Variants in SUPV3L1 observed in about 807,000 individuals in gnomAD.
The protein encoded by SUPV3L1 is ATP-dependent RNA helicase SUPV3L1, mitochondrial.
A neutral mutation model predicts 70.0 loss-of-function variants in SUPV3L1; 35 were observed. The observed-to-expected ratio is 0.50, with a 90% CI of 0.38 to 0.66. The LOEUF is 0.66. Among genes scored for constraint, SUPV3L1 ranks in the 30% least tolerant of loss-of-function variants. The probability of loss-of-function intolerance (pLI) is 0.00; values close to 1 mark genes in which losing one functional copy is unlikely to be tolerated. For synonymous variants in SUPV3L1, 364 were observed against 341.9 expected (o/e 1.06, Z -0.71); for missense variants, 777 against 961.5 (o/e 0.81, Z 2.54).
chr10:69,202,931 A>C lies in SUPV3L1; in HGVS notation c.1664A>C (p.Lys555Thr). 1 of 1,614,114 alleles carries C rather than the reference A, an allele frequency of 6.2e-7. No individual in the cohort carries two copies. ...TTTGTCTGCAATATGGATGATTTTA[A>C]ATTTTCTGCAGAGTTGATCCAGCAT... Reference protein sequence around the residue: ...QYFVCNMDDFKFSAELIQHIP... With the variant: ...QYFVCNMDDFTFSAELIQHIP... The change falls in exon 13 of 15, where the codon AAA (lysine) becomes ACA (threonine). Residue 555 changes from lysine (K) to threonine (T), a missense_variant. By Grantham distance (78) the Lys-to-Thr change is moderately conservative. Around this residue, in one of 2 missense-constraint regions of SUPV3L1, gnomAD observed 619 missense variants for 823.3 expected, o/e 0.75. Coordinates refer to ENST00000359655, the MANE Select transcript of SUPV3L1 (RefSeq NM_003171.5).
intron 5 of SUPV3L1, among the ~76,000 whole-genome samples, chr10:69,190,320 C>T (rs1166620999): frequency 3.3e-5 from 5 of 152,030 alleles, no homozygotes; most frequent in African/African-American, 1.2e-4. Context: ...GGACTGAAGC[C>T]CTGTAGTCTG....
Position 69,198,420 on chromosome 10 carries a change from C to G in SUPV3L1, c.1072C>G (p.Leu358Val), listed in dbSNP as rs759448125. ...LTPISVLDHA[L>V]ESLDNLRPGD... ...CCCCATTTCTGTGCTGGACCATGCA[C>G]TAGAATCTTTAGATAACCTTCGGCC... Residue 358 changes from leucine (L) to valine (V), a missense_variant, in exon 9 of 15, where the codon CTA becomes GTA. By Grantham distance (32) the Leu-to-Val change is conservative. Around this residue, in one of 2 missense-constraint regions of SUPV3L1, gnomAD observed 619 missense variants for 823.3 expected, o/e 0.75. Coordinates refer to ENST00000359655, the MANE Select transcript of SUPV3L1 (RefSeq NM_003171.5). The G allele has an allele frequency of 6.2e-7, 1 of 1,613,966 alleles. No individual in the cohort carries two copies. Among genetic ancestry groups the G allele is most frequent in the South Asian group, 1.1e-5 (1 of 91,052 alleles).
Position 69,186,594 on chromosome 10 carries a change from C to T in SUPV3L1, c.457+44C>T, listed in dbSNP as rs143347934. 7.8e-5 allele frequency: 116 copies of T among 1,479,226 alleles called. No homozygotes were observed. The African/African-American group carries it at 1.4e-3, about 18-fold the overall frequency. 91.6% of individuals were successfully genotyped at this position (1,479,226 alleles called of 1,614,324 possible). ...TTTAAAATCCTATTGAACATACCTT[C>T]TATTTCTTCTCATACTTCATGCTCA... On this transcript the variant is annotated intron_variant, in intron 3 of 14. Coordinates refer to ENST00000359655, the MANE Select transcript of SUPV3L1 (RefSeq NM_003171.5).
At position 69,208,712 on chromosome 10, in the gene SUPV3L1, T is replaced by G. The variant is rs1164874517; in HGVS notation, c.2038T>G (p.Ser680Ala). 6.2e-7 allele frequency: 1 copy of G among 1,614,184 alleles called. No homozygotes were observed. The highest frequency in any genetic ancestry group is 1.3e-5 in the African/African-American group (1 of 75,030). Reference protein sequence around the residue: ...VHNITKLIKMSETHKLLNLEG... With the variant: ...VHNITKLIKMAETHKLLNLEG... ...CAATATCACTAAATTGATTAAAATG[T>G]CTGAGACGCATAAGCTGTTGAATTT... Residue 680 changes from serine to alanine, a missense_variant, in exon 15 of 15, where the codon TCT becomes GCT. This residue lies in a region of SUPV3L1 where 619 missense variants were observed against 823.3 expected (regional missense o/e 0.75). Transcript: ENST00000359655.
chr10:69,201,498 T>C (rs1183017725), intron 11 of SUPV3L1, among the ~76,000 whole-genome samples: 1 of 151,922 alleles, frequency 6.6e-6, no homozygotes, highest in African/African-American at 2.4e-5. Context: ...AAATGAGACA[T>C]GGAAAATGGT....
chr10:69,186,210 C>T (rs568094886), intron 2 of SUPV3L1, 146 bp downstream of exon 2: 28 of 792,614 alleles, frequency 3.5e-5, no homozygotes, highest in African/African-American at 3.0e-4. Flanking sequence ...GGGAGACTGG[C>T]GAGGCTCACC....
chr10:69,188,872 A>G (rs1471956773), intron 4 of SUPV3L1, among the ~76,000 whole-genome samples: 1 of 152,106 alleles, frequency 6.6e-6, no homozygotes, highest in African/African-American at 2.4e-5. Context: ...AGACTCTGTT[A>G]TTATATTTGT....
chr10:69,199,428 C>T (rs1401440418), intron 10 of SUPV3L1, among the ~76,000 whole-genome samples: 1 of 152,194 alleles, frequency 6.6e-6, no homozygotes, highest in Non-Finnish European at 1.5e-5. Flanking sequence ...TTTACCCACG[C>T]TGGAGTGCAG....
At chr10:69,186,994 G>A (rs543417628) in intron 3 of SUPV3L1, among the ~76,000 whole-genome samples, 18 of 152,274 alleles carry the variant, frequency 1.2e-4, no homozygotes, top group Middle Eastern at 3.4e-3. Flanking sequence ...CAGCACTGAG[G>A]ATACAACGCA....
rs1473035356 is a variant in SUPV3L1 at position 69,200,495 on chromosome 10, T to C, written c.1514T>C (p.Ile505Thr). The C allele has an allele frequency of 1.2e-6, 2 of 1,612,294 alleles. No homozygotes were observed. The highest frequency in any genetic ancestry group is 1.7e-5 in the Admixed American group (1 of 59,986). ...KEILKRPVDP[I>T]RAAGLHPTAE... ...ATTTTGAAGAGGCCTGTGGATCCTA[T>C]AAGGGTAAGAGGTAACATGTTAACT... Residue 505 changes from isoleucine to threonine, a missense_variant, in exon 11 of 15, where the codon ATA becomes ACA. Physicochemically the swap from Ile to Thr is moderately conservative, Grantham distance 89. This residue lies in a region of SUPV3L1 where 619 missense variants were observed against 823.3 expected (regional missense o/e 0.75). Coordinates refer to ENST00000359655, the MANE Select transcript of SUPV3L1 (RefSeq NM_003171.5).
At chr10:69,190,382 A>G (rs749327296) in intron 5 of SUPV3L1, among the ~76,000 whole-genome samples, 2 of 151,926 alleles carry the variant, frequency 1.3e-5, no homozygotes, top group African/African-American at 2.4e-5. Flanking sequence ...TTTTATTATG[A>G]CTTTATAATG....
At position 69,207,821 on chromosome 10, in the gene SUPV3L1, C is replaced by T. The variant is rs910568030; in HGVS notation, c.1805C>T (p.Pro602Leu). ...GCCAGGCAGTATAGCAGGAATGAGC[C>T]CCTGACCTTTGCATGGTTACGCCGA... is the stretch of plus-strand genomic sequence containing the variant. ...QFARQYSRNEPLTFAWLRRYI... is the reference protein window; with the variant it reads ...QFARQYSRNELLTFAWLRRYI... The change falls in exon 14 of 15, where the codon CCC becomes CTC. Residue 602 changes from proline (P) to leucine (L), a missense_variant. Physicochemically the swap from Pro to Leu is moderately conservative, Grantham distance 98. This residue lies in a region of SUPV3L1 where 619 missense variants were observed against 823.3 expected (regional missense o/e 0.75). Transcript: ENST00000359655. The T allele has an allele frequency of 6.2e-7, 1 of 1,613,872 alleles. No homozygotes were observed. Among genetic ancestry groups the T allele is most frequent in the African/African-American group, 1.3e-5 (1 of 74,832 alleles).
rs116052286 is a variant in SUPV3L1 at position 69,202,611 on chromosome 10, C to T, written c.1599+92C>T. On this transcript the variant is annotated intron_variant, in intron 12 of 14. Coordinates refer to ENST00000359655, the MANE Select transcript of SUPV3L1 (RefSeq NM_003171.5). ...CTCATGAGCATGAATGGATAGTCTG[C>T]CTTTGAGAAGTTGCTATTTATAAAA... is the stretch of plus-strand genomic sequence containing the variant. 317 of 1,292,242 alleles carry T rather than the reference C, an allele frequency of 2.5e-4. 1 individual carries two copies. In the African/African-American group the frequency reaches 4.5e-3, roughly 18 times the overall value. 80.0% of individuals were successfully genotyped at this position (1,292,242 alleles called of 1,614,324 possible).
At chr10:69,199,883 G>T (rs1275649842) in intron 10 of SUPV3L1, among the ~76,000 whole-genome samples, 1 of 151,954 alleles carries the variant, frequency 6.6e-6, no homozygotes, top group Admixed American at 6.6e-5. Context: ...CTCACTCTGT[G>T]CCCCACGCCG....
chr10:69,184,659 T>C (rs1253382034), intron 1 of SUPV3L1, among the ~76,000 whole-genome samples: 1 of 104,344 alleles, frequency 9.6e-6, no homozygotes, highest in African/African-American at 3.4e-5. Flanking sequence ...ACACTGTGTG[T>C]GTATGTGTAT....
In SUPV3L1 at chr10:69,200,514, G is replaced by A; in HGVS notation, c.1518+15G>A. On this transcript the variant is annotated intron_variant, in intron 11 of 14. Transcript: ENST00000359655. Reference sequence around the variant, plus strand: ...ATCCTATAAGGGTAAGAGGTAACATGTTAACTACTGCTTCTCTGTGGAGGA... The same window carrying A: ...ATCCTATAAGGGTAAGAGGTAACATATTAACTACTGCTTCTCTGTGGAGGA... 6.3e-7 allele frequency: 1 copy of A among 1,589,090 alleles called. No individual in the cohort carries two copies. The highest frequency in any genetic ancestry group is 1.1e-5 in the South Asian group (1 of 90,440).
chr10:69,190,761 T>A (rs1465561206), intron 5 of SUPV3L1, among the ~76,000 whole-genome samples: 1 of 152,254 alleles, frequency 6.6e-6, no homozygotes, highest in Non-Finnish European at 1.5e-5. Context: ...TTTGGAAGAC[T>A]ATAGGTCAGT....
chr10:69,200,202 G>A lies in SUPV3L1; in HGVS notation c.1299-78G>A, dbSNP rs554704434. 9.4e-5 allele frequency: 111 copies of A among 1,186,266 alleles called. No homozygotes were observed. The African/African-American group carries it at 1.5e-3, about 16-fold the overall frequency. The allele number at this position is 1,186,266 out of a possible 1,614,324, so 73.5% of individuals were successfully genotyped here. A position where few individuals can be genotyped will look rare whatever the true frequency, so the allele number is the denominator to read the frequency against. On this transcript the variant is annotated intron_variant, in intron 10 of 14. Transcript: ENST00000359655. ...TGCAAGAGGACCTAAGCTAGTATTG[G>A]AGTGAGCATTATGCAATGACCCAAG...
chr10:69,208,538 G>A (rs1398326543), intron 14 of SUPV3L1, 62 bp from the exon 15 acceptor site: 33 of 1,506,244 alleles, frequency 2.2e-5, no homozygotes, highest in Non-Finnish European at 2.1e-5. Flanking sequence ...GTGTGCCATT[G>A]AGAGTTGTCC....
Sources: gnomAD v4.1 joint callset for allele counts (sites outside exome capture counted in the v4.1 genomes callset) on GRCh38, gnomAD v4.1.1 for gene constraint, gnomAD v4.1.1 regional missense constraint, MANE v1.5 for transcripts, NCBI Gene and HGNC (gene_info 2026-07-23, HGNC 2026-07-21) for gene names.